Variants in AKAP6 observed in about 807,000 individuals in gnomAD.
The protein encoded by AKAP6 is A-kinase anchor protein 6.
A neutral mutation model predicts 188.5 loss-of-function variants in AKAP6; 58 were observed. The observed-to-expected ratio is 0.31, with a 90% CI of 0.25 to 0.38. The LOEUF (loss-of-function observed/expected upper bound fraction) is 0.38. AKAP6 is among the 10% of genes least tolerant of loss of function. The pLI is 1.00. For missense variants in AKAP6, 2,710 were observed against 2,740.0 expected (o/e 0.99, Z 0.24); for synonymous variants, 989 against 998.6 (o/e 0.99, Z 0.18).
chr14:32,432,033 TATTTTGGTATGTAAAAATA>T (rs1187728960), intron 1 of AKAP6, among the ~76,000 whole-genome samples: 5 of 152,218 alleles, frequency 3.3e-5, no homozygotes, highest in Admixed American at 3.3e-4. Flanking sequence ...GTTTCCCCTC[TATTTTGGTATGTAAAAATA>T]ATTTTGCTTT....
At chr14:32,412,211 T>C (rs1889511792) in intron 1 of AKAP6, among the ~76,000 whole-genome samples, 2 of 152,250 alleles carry the variant, frequency 1.3e-5, no homozygotes, top group Non-Finnish European at 2.9e-5. Flanking sequence ...AAAGACTTTA[T>C]TGAATTTTTA....
At chr14:32,617,606 A>C (rs532867095) in intron 7 of AKAP6, among the ~76,000 whole-genome samples, 1 of 152,184 alleles carries the variant, frequency 6.6e-6, no homozygotes, top group Non-Finnish European at 1.5e-5. Context: ...CAAAACCCTT[A>C]AATTACGTGT....
At chr14:32,527,421 A>G (rs1462582941) in intron 2 of AKAP6, among the ~76,000 whole-genome samples, 1 of 152,160 alleles carries the variant, frequency 6.6e-6, no homozygotes, top group African/African-American at 2.4e-5. Flanking sequence ...CGCTATAAAC[A>G]TCTGTGTGCA....
intron 13 of AKAP6, among the ~76,000 whole-genome samples, chr14:32,828,246 A>G (rs113705409): frequency 0.011 from 1,665 of 152,228 alleles, 32 homozygotes; most frequent in African/African-American, 0.038. Flanking sequence ...CACAATTCCC[A>G]TTCTGTTAAT....
chr14:32,773,561 A>G, intron 11 of AKAP6, 117 bp from the exon 12 acceptor site: 1 of 963,242 alleles, frequency 1.0e-6, no homozygotes, highest in Non-Finnish European at 1.6e-6. Context: ...TTCTTGTCCT[A>G]TTGTTGGTAG....
intron 7 of AKAP6, among the ~76,000 whole-genome samples, chr14:32,663,347 T>G (rs554312288): frequency 1.1e-4 from 16 of 152,190 alleles, no homozygotes; most frequent in Non-Finnish European, 1.5e-4. Flanking sequence ...CCTGCTTGCC[T>G]CACTCATTCT....
At chr14:32,581,241 T>C (rs2139281466) in intron 5 of AKAP6, among the ~76,000 whole-genome samples, 1 of 152,304 alleles carries the variant, frequency 6.6e-6, no homozygotes, top group African/African-American at 2.4e-5. Flanking sequence ...CTGTCTTCAT[T>C]TCGTTATGTA....
At chr14:32,810,102 A>G (rs1409676040) in intron 12 of AKAP6, among the ~76,000 whole-genome samples, 1 of 152,194 alleles carries the variant, frequency 6.6e-6, no homozygotes, top group Non-Finnish European at 1.5e-5. Flanking sequence ...CTAGCAGGTC[A>G]GTGTCTTACA....
At chr14:32,346,903 A>G (rs1213950686) in intron 1 of AKAP6, among the ~76,000 whole-genome samples, 1 of 152,226 alleles carries the variant, frequency 6.6e-6, no homozygotes, top group Non-Finnish European at 1.5e-5. Flanking sequence ...TGGGGTGGTG[A>G]TAGTTACTTC....
chr14:32,553,775 G>A (rs1883581280), intron 4 of AKAP6, among the ~76,000 whole-genome samples: 2 of 152,178 alleles, frequency 1.3e-5, no homozygotes, highest in Non-Finnish European at 2.9e-5. Context: ...GTTCCCAAGG[G>A]ATGGTCTGTT....
At chr14:32,686,310 G>T (rs1380376831) in intron 8 of AKAP6, among the ~76,000 whole-genome samples, 1 of 152,192 alleles carries the variant, frequency 6.6e-6, no homozygotes, top group Admixed American at 6.5e-5. Context: ...GAGCATCAGA[G>T]TTGGGGAGGT....
intron 12 of AKAP6, among the ~76,000 whole-genome samples, chr14:32,810,130 C>G (rs1439716848): frequency 6.6e-6 from 1 of 152,108 alleles, no homozygotes; most frequent in African/African-American, 2.4e-5. Context: ...GCGATCAACT[C>G]AGTCATAGTC....
chr14:32,625,825 A>C (rs1436945939), intron 7 of AKAP6, among the ~76,000 whole-genome samples: 1 of 152,026 alleles, frequency 6.6e-6, no homozygotes, highest in Non-Finnish European at 1.5e-5. Context: ...TGAGTTAAGC[A>C]CCCTTTAAAC....
At chr14:32,584,582 A>G (rs1442817543) in intron 5 of AKAP6, among the ~76,000 whole-genome samples, 1 of 152,158 alleles carries the variant, frequency 6.6e-6, no homozygotes. Flanking sequence ...AAGATAGTGA[A>G]CATACTTATC....
intron 2 of AKAP6, among the ~76,000 whole-genome samples, chr14:32,532,109 T>C (rs1483338073): frequency 1.3e-5 from 2 of 152,218 alleles, no homozygotes; most frequent in African/African-American, 2.4e-5. Flanking sequence ...ATAAGCAGCA[T>C]AGGAGAGTTC....
intron 12 of AKAP6, among the ~76,000 whole-genome samples, chr14:32,786,296 A>ATTTTTTTTTTTTTTTT: frequency 4.3e-5 from 4 of 93,718 alleles, no homozygotes; most frequent in South Asian, 3.7e-4. Context: ...CTAAACCTTT[A>ATTTTTTTTTTTTTTTT]TCTTTTTTTT....
At position 32,735,872 on chromosome 14, in the gene AKAP6, A is replaced by G; in HGVS notation, c.3362A>G (p.Gln1121Arg). ...EGTMNTEKQL[Q>R]YFKSLCREIK... ...ACAATGAATACTGAGAAACAACTGC[A>G]ATACTTTAAGGTAATAAAAAAACAA... The change falls in exon 11 of 14, where the codon CAA (glutamine) becomes CGA (arginine). Residue 1121 changes from glutamine (Q) to arginine (R), a missense_variant. By Grantham distance (43) the Gln-to-Arg change is conservative (BLOSUM62 1). Around this residue, in one of 2 missense-constraint regions of AKAP6, gnomAD observed 2,473 missense variants for 2,426.1 expected, o/e 1.02. Coordinates refer to ENST00000280979, the MANE Select transcript of AKAP6 (RefSeq NM_004274.5). 6.2e-7 allele frequency: 1 copy of G among 1,604,582 alleles called. No individual in the cohort carries two copies. Among genetic ancestry groups the G allele is most frequent in the Admixed American group, 1.7e-5 (1 of 57,900 alleles).
rs529114069 is a variant in AKAP6, at chr14:32,802,382, A to G, written c.3589-19020A>G. On this transcript the variant is annotated intron_variant, in intron 12 of 13. Coordinates refer to ENST00000280979, the MANE Select transcript of AKAP6 (RefSeq NM_004274.5). The stretch of plus-strand genomic sequence containing the variant: ...TAAGTATCCCAGAAATGGGCAGAAG[A>G]TATGACCAAGTGATTCACAAAGTAA... 2.0e-5 allele frequency among the ~76,000 whole-genome samples: 3 copies of G among 152,324 alleles called. No individual in the cohort carries two copies. In the South Asian group the frequency reaches 6.2e-4, roughly 32 times the overall value.
intron 13 of AKAP6, among the ~76,000 whole-genome samples, chr14:32,828,945 G>C (rs2268953): frequency 0.099 from 15,083 of 152,192 alleles, 1,188 homozygotes; most frequent in East Asian, 0.36. Flanking sequence ...GAAAAACAGA[G>C]AGCAAGACAA....
Sources: allele counts gnomAD v4.1 joint callset (sites outside exome capture counted in the v4.1 genomes callset), GRCh38; gene constraint gnomAD v4.1.1; regional missense constraint gnomAD v4.1.1; transcripts MANE v1.5; gene names NCBI Gene and HGNC (gene_info 2026-07-23, HGNC 2026-07-21).